DUSP22: variants seen among roughly 807,000 people sequenced by gnomAD.
DUSP22 encodes dual specificity protein phosphatase 22.
A neutral mutation model predicts 24.5 loss-of-function variants in DUSP22; 24 were observed. That is an observed-to-expected ratio of 0.98 (90% CI 0.71 to 1.38). The LOEUF (loss-of-function observed/expected upper bound fraction) is 1.38, where lower values mean the gene tolerates loss of function less well. Ranked by LOEUF, DUSP22 falls within the 40% of genes most tolerant of loss-of-function variation. The probability of loss-of-function intolerance (pLI) is 0.00; values close to 1 mark genes in which losing one functional copy is unlikely to be tolerated. For missense variants in DUSP22, 330 were observed against 269.2 expected, an observed-to-expected ratio of 1.23 and a Z score of -1.58; for synonymous variants, 160 against 106.4, an observed-to-expected ratio of 1.50 and a Z score of -3.10.
At chr6:300,224 TGTTG>T (rs1417113694) in intron 1 of DUSP22, among the ~76,000 whole-genome samples, 3 of 152,302 alleles carry the variant, frequency 2.0e-5, no homozygotes, top group Admixed American at 2.0e-4. Flanking sequence ...TGCATAGCCA[TGTTG>T]GTTGGTTGCA....
At chr6:309,325 G>A (rs966786472) in intron 2 of DUSP22, among the ~76,000 whole-genome samples, 3 of 152,294 alleles carry the variant, frequency 2.0e-5, no homozygotes, top group Non-Finnish European at 2.9e-5. Context: ...GTATAAAAAG[G>A]TTTTTTCTTT....
intron 2 of DUSP22, among the ~76,000 whole-genome samples, chr6:305,556 C>G (rs1187567365): frequency 1.3e-5 from 2 of 152,306 alleles, no homozygotes; most frequent in African/African-American, 4.8e-5. Flanking sequence ...TTTCCTGCCA[C>G]TTGTTCCGTA....
chr6:314,571 G>T (rs1758258514), intron 3 of DUSP22, among the ~76,000 whole-genome samples: 3 of 152,424 alleles, frequency 2.0e-5, no homozygotes. Flanking sequence ...AGTGAGAGAG[G>T]GTATTCATAT....
chr6:342,024 G>A (rs1246754112), intron 4 of DUSP22, among the ~76,000 whole-genome samples: 1 of 152,304 alleles, frequency 6.6e-6, no homozygotes, highest in Non-Finnish European at 1.5e-5. Context: ...GTCAAAGTGA[G>A]ATATAAGAAG....
intron 1 of DUSP22, among the ~76,000 whole-genome samples, chr6:293,509 T>TCCAAC (rs1757188790): frequency 6.6e-6 from 1 of 152,050 alleles, no homozygotes; most frequent in Admixed American, 6.6e-5. Flanking sequence ...TTCATTGCGC[T>TCCAAC]CCACCCACCC....
At chr6:302,938 G>A (rs1757651542) in intron 1 of DUSP22, among the ~76,000 whole-genome samples, 1 of 152,304 alleles carries the variant, frequency 6.6e-6, no homozygotes, top group African/African-American at 2.4e-5. Flanking sequence ...GGAGCTTGGT[G>A]GGGTCTTAGG....
At chr6:341,793 G>A (rs1478950326) in intron 4 of DUSP22, among the ~76,000 whole-genome samples, 1 of 152,308 alleles carries the variant, frequency 6.6e-6, no homozygotes. Flanking sequence ...GAGCTACCGG[G>A]GGGTGGTGGT....
At chr6:338,701 G>A (rs1759469282) in intron 4 of DUSP22, among the ~76,000 whole-genome samples, 1 of 152,272 alleles carries the variant, frequency 6.6e-6, no homozygotes, top group Admixed American at 6.5e-5. Flanking sequence ...AATAAATTCT[G>A]GAAAACTATG....
intron 1 of DUSP22, among the ~76,000 whole-genome samples, chr6:303,733 G>A (rs943181315): frequency 4.6e-5 from 7 of 152,308 alleles, no homozygotes; most frequent in Admixed American, 1.3e-4. Flanking sequence ...ATTTCAGAGT[G>A]TCCATGCAAA....
intron 1 of DUSP22, among the ~76,000 whole-genome samples, chr6:303,399 C>T (rs919351875): frequency 2.0e-5 from 3 of 152,304 alleles, no homozygotes; most frequent in African/African-American, 7.2e-5. Flanking sequence ...GGGCCTAGCA[C>T]TGCCGCCCTG....
chr6:296,308 A>G (rs1049356704), intron 1 of DUSP22, among the ~76,000 whole-genome samples: 3 of 152,298 alleles, frequency 2.0e-5, no homozygotes, highest in Admixed American at 6.5e-5. Flanking sequence ...AGAGTAAGCC[A>G]CAACTCCATG....
intron 3 of DUSP22, among the ~76,000 whole-genome samples, chr6:323,233 T>C (rs902707832): frequency 1.0e-5 from 1 of 99,744 alleles, no homozygotes; most frequent in East Asian, 3.3e-4. Context: ...TTTAAAGGCG[T>C]GTGTGCATGT....
chr6:324,016 A>T (rs969867393), intron 3 of DUSP22, among the ~76,000 whole-genome samples: 1 of 152,306 alleles, frequency 6.6e-6, no homozygotes, highest in Non-Finnish European at 1.5e-5. Flanking sequence ...TAACTAGCAA[A>T]GGAAGATAAC....
chr6:333,462 G>A (rs1336798031), intron 3 of DUSP22, among the ~76,000 whole-genome samples: 1 of 152,302 alleles, frequency 6.6e-6, no homozygotes, highest in Non-Finnish European at 1.5e-5. Flanking sequence ...TTGATTCAAA[G>A]CATACAGAAA....
rs564990214 is a variant in DUSP22, at chr6:336,381, G to A, written c.188+1218G>A. On this transcript the variant is annotated intron_variant, in intron 4 of 6. Transcript: ENST00000419235. ...TTTTATGCCCCAAGCACTGGTGCAC[G>A]CACACCCTATGGATCAGGAGTGCAG... is the stretch of plus-strand genomic sequence containing the variant. Among the ~76,000 whole-genome samples the A allele has an allele frequency of 1.2e-4, 19 of 152,416 alleles. No homozygotes were observed. In the South Asian group the frequency reaches 2.1e-3, roughly 17 times the overall value.
At chr6:294,932 A>G (rs1757257004) in intron 1 of DUSP22, among the ~76,000 whole-genome samples, 2 of 152,274 alleles carry the variant, frequency 1.3e-5, no homozygotes, top group African/African-American at 4.8e-5. Context: ...CTGCTGCAGT[A>G]AACATGTTTA....
intron 1 of DUSP22, among the ~76,000 whole-genome samples, chr6:293,200 C>G (rs117078485): frequency 6.6e-6 from 1 of 152,276 alleles, no homozygotes; most frequent in South Asian, 2.1e-4. Flanking sequence ...CTGTGTTGCT[C>G]CATTTGTCCC....
Position 351,110 on chromosome 6 carries a change from G to C in DUSP22, c.*2159G>C. 1.6e-6 allele frequency: 1 copy of C among 630,722 alleles called. No individual in the cohort carries two copies. Among genetic ancestry groups the C allele is most frequent in the South Asian group, 2.1e-5 (1 of 48,508 alleles). 39.1% of individuals were successfully genotyped at this position (630,722 alleles called of 1,614,324 possible). On this transcript the variant is annotated 3_prime_UTR_variant, in exon 7 of 7. Transcript: ENST00000419235. ...CTGTACCTCGCTTGGATGCCTGTAA[G>C]GATCCCGGGAGCCTTGCCGCACTGC... is the stretch of plus-strand genomic sequence containing the variant.
chr6:316,177 C>G (rs1758328222), intron 3 of DUSP22, among the ~76,000 whole-genome samples: 1 of 152,296 alleles, frequency 6.6e-6, no homozygotes, highest in South Asian at 2.1e-4. Context: ...CAGGCTGGTT[C>G]TCACATCATC....
Sources: allele counts gnomAD v4.1 joint callset (sites outside exome capture counted in the v4.1 genomes callset), GRCh38; gene constraint gnomAD v4.1.1; transcripts MANE v1.5; gene names NCBI Gene and HGNC (gene_info 2026-07-23, HGNC 2026-07-21).